PTPRA: variants seen among roughly 807,000 people sequenced by gnomAD.
PTPRA encodes the protein receptor-type tyrosine-protein phosphatase alpha.
PTPRA carries 25 observed loss-of-function variants against 104.8 expected under a neutral mutation model. The observed-to-expected ratio is 0.24, with a 90% CI of 0.17 to 0.33. The LOEUF is 0.33. Ranked by LOEUF, PTPRA falls within the 10% of genes least tolerant of loss-of-function variation. PTPRA has a pLI of 1.00. For synonymous variants in PTPRA, 323 were observed against 368.9 expected, an observed-to-expected ratio of 0.88 and a Z score of 1.43; for missense variants, 765 against 1,015.3, an observed-to-expected ratio of 0.75 and a Z score of 3.35.
chr20:3,032,732 T>C lies in PTPRA; in HGVS notation c.1921-2853T>C, dbSNP rs573957967. Among the ~76,000 whole-genome samples, 326 of 151,016 alleles carry C rather than the reference T, an allele frequency of 2.2e-3. 6 individuals carry two copies. Among genetic ancestry groups the C allele is most frequent in the Non-Finnish European group, 2.8e-3 (189 of 67,610 alleles). Reference sequence around the variant, plus strand: ...AATGAGCCAAGATCGCGCCACTGCATTCCAGCCTGGTGGCAGAGTGAGACT... The same window carrying C: ...AATGAGCCAAGATCGCGCCACTGCACTCCAGCCTGGTGGCAGAGTGAGACT... On this transcript the variant is annotated intron_variant, in intron 20 of 23. Coordinates refer to ENST00000399903, the MANE Select transcript of PTPRA (RefSeq NM_001385305.1).
intron 13 of PTPRA, 90 bp downstream of exon 13, chr20:3,018,003 C>G: frequency 9.1e-7 from 1 of 1,093,268 alleles, no homozygotes; most frequent in Non-Finnish European, 1.4e-6. Context: ...TTTGTGGGTG[C>G]TGTACCAGTA....
In PTPRA at chr20:2,991,319, C is replaced by T. The variant is rs1035127322; in HGVS notation, c.738+2845C>T. On this transcript the variant is annotated intron_variant, in intron 9 of 23. Coordinates refer to ENST00000399903, the MANE Select transcript of PTPRA (RefSeq NM_001385305.1). Reference sequence around the variant, plus strand: ...GGCGGAGGTTGCAGTGAGCCAAGGTCGTGCCATTGCACTCCAGCCTGGGCG... The same window carrying T: ...GGCGGAGGTTGCAGTGAGCCAAGGTTGTGCCATTGCACTCCAGCCTGGGCG... Among the ~76,000 whole-genome samples, 5 of 150,478 alleles carry T rather than the reference C, an allele frequency of 3.3e-5. No homozygotes were observed. In the East Asian group the frequency reaches 9.8e-4, roughly 29 times the overall value.
intron 1 of PTPRA, among the ~76,000 whole-genome samples, chr20:2,882,466 T>C (rs1048941346): frequency 4.6e-5 from 7 of 151,892 alleles, no homozygotes; most frequent in African/African-American, 1.7e-4. Context: ...TTTTATTTTT[T>C]ATTTTTAGGA....
intron 2 of PTPRA, among the ~76,000 whole-genome samples, chr20:2,927,422 T>G (rs2060341724): frequency 6.6e-6 from 1 of 152,218 alleles, no homozygotes. Context: ...TCTCATAAAA[T>G]TTTCTCCCTG....
chr20:3,023,985 G>C (rs2065012189), intron 16 of PTPRA, among the ~76,000 whole-genome samples: 1 of 152,210 alleles, frequency 6.6e-6, no homozygotes, highest in Admixed American at 6.5e-5. Flanking sequence ...CAGGAAGGCA[G>C]ATGACAGGTT....
intron 1 of PTPRA, among the ~76,000 whole-genome samples, chr20:2,883,796 G>GT (rs1180587232): frequency 2.0e-5 from 3 of 151,774 alleles, no homozygotes; most frequent in Non-Finnish European, 2.9e-5. Context: ...CAGTTCTGTG[G>GT]TTTTTTGTAT....
intron 11 of PTPRA, among the ~76,000 whole-genome samples, chr20:3,013,339 T>C (rs2064272335): frequency 6.6e-6 from 1 of 152,146 alleles, no homozygotes; most frequent in Non-Finnish European, 1.5e-5. Flanking sequence ...AGTGGCACAG[T>C]TGGCAGGTGG....
intron 13 of PTPRA, 136 bp from the exon 14 acceptor site, chr20:3,021,173 A>G (rs2064849471): frequency 8.3e-7 from 1 of 1,204,610 alleles, no homozygotes; most frequent in Non-Finnish European, 1.2e-6. Flanking sequence ...TGTGCAACTG[A>G]CTGAGATAGA....
At chr20:2,873,380 G>T (rs958477390), upstream of PTPRA, 4 of 152,400 alleles carry the variant, frequency 2.6e-5, no homozygotes, top group African/African-American at 7.2e-5. The surrounding 1 kb of genome is among the most constrained non-coding windows in gnomAD (Gnocchi z 4.4). Flanking sequence ...CCAGCGGAGC[G>T]CAAGGGCGGG....
At chr20:2,915,345 A>G (rs2059862535) in intron 1 of PTPRA, among the ~76,000 whole-genome samples, 1 of 152,038 alleles carries the variant, frequency 6.6e-6, no homozygotes, top group Non-Finnish European at 1.5e-5. Flanking sequence ...CATTTAGGTT[A>G]TTTCCACCAT....
At chr20:2,878,082 C>T (rs1011142079) in intron 1 of PTPRA, among the ~76,000 whole-genome samples, 3 of 151,978 alleles carry the variant, frequency 2.0e-5, no homozygotes, top group Non-Finnish European at 4.4e-5. Context: ...ACCCAGGAGG[C>T]GGAAGTTGCA....
Position 3,037,908 on chromosome 20 carries a change from C to A in PTPRA, c.2335-151C>A. ...CCGGAAGGGGAATGCTGTCAGAACT[C>A]TGGCAGGCAGATCAGAGCTCAGGTG... On this transcript the variant is annotated intron_variant, in intron 23 of 23. Transcript: ENST00000399903. The surrounding 1 kb of genome is among the most constrained non-coding windows in gnomAD (Gnocchi z 4.3). 1.5e-6 allele frequency: 1 copy of A among 673,090 alleles called. No homozygotes were observed. Among genetic ancestry groups the A allele is most frequent in the East Asian group, 2.8e-5 (1 of 36,200 alleles). 41.7% of individuals were successfully genotyped at this position (673,090 alleles called of 1,614,324 possible).
intron 5 of PTPRA, 79 bp from the exon 6 acceptor site, chr20:2,975,124 AATCCTGGAGCTT>A: frequency 8.6e-7 from 1 of 1,161,906 alleles, no homozygotes; most frequent in Non-Finnish European, 1.2e-6. Flanking sequence ...AAGCATTCCT[AATCCTGGAGCTT>A]GTTTTGTTGT....
chr20:2,888,809 A>G (rs961324454), intron 1 of PTPRA, among the ~76,000 whole-genome samples: 9 of 152,194 alleles, frequency 5.9e-5, no homozygotes, highest in Non-Finnish European at 1.2e-4. Flanking sequence ...AATGTAAGTT[A>G]CTTAAGTTTG....
At chr20:3,018,864 C>A (rs1382788888) in intron 13 of PTPRA, among the ~76,000 whole-genome samples, 48 of 91,392 alleles carry the variant, frequency 5.3e-4, no homozygotes, top group African/African-American at 1.8e-3. Context: ...CTGATCCCCC[C>A]ACCTCCCTCC....
chr20:2,974,887 T>C (rs796397309), intron 5 of PTPRA, among the ~76,000 whole-genome samples: 2 of 152,244 alleles, frequency 1.3e-5, no homozygotes, highest in Admixed American at 1.3e-4. Flanking sequence ...TTATTACTTA[T>C]CATTTTGGTC....
At chr20:2,891,841 T>C (rs547955150) in intron 1 of PTPRA, among the ~76,000 whole-genome samples, 2 of 152,282 alleles carry the variant, frequency 1.3e-5, no homozygotes. Context: ...CCTGTGTACT[T>C]TATAGGCCCT....
intron 9 of PTPRA, among the ~76,000 whole-genome samples, chr20:3,002,227 TA>T (rs1459308493): frequency 6.6e-6 from 1 of 152,172 alleles, no homozygotes; most frequent in African/African-American, 2.4e-5. Flanking sequence ...AGTCTTTTTT[TA>T]AATTATTATC....
chr20:2,908,427 T>G (rs2059505498), intron 1 of PTPRA, among the ~76,000 whole-genome samples: 1 of 152,114 alleles, frequency 6.6e-6, no homozygotes, highest in Non-Finnish European at 1.5e-5. Context: ...TACAGAACAG[T>G]GAAATTTTTG....
Sources: gnomAD v4.1 joint callset for allele counts (sites outside exome capture counted in the v4.1 genomes callset) on GRCh38, gnomAD v4.1.1 for gene constraint, Gnocchi (gnomAD v3.1) non-coding constraint, MANE v1.5 for transcripts, NCBI Gene and HGNC (gene_info 2026-07-23, HGNC 2026-07-21) for gene names.